Variants in NUFIP2 observed in about 807,000 individuals in gnomAD.
The protein encoded by NUFIP2 is FMR1-interacting protein NUFIP2.
Under a neutral mutation model 56.9 loss-of-function variants are expected in NUFIP2, and 6 were observed. The observed-to-expected ratio is 0.11, with a 90% CI of 0.06 to 0.21. NUFIP2 has a LOEUF of 0.21. Ranked by LOEUF, NUFIP2 falls within the 10% of genes least tolerant of loss-of-function variation. The pLI is 1.00. For missense variants in NUFIP2, 828 were observed against 826.8 expected (o/e 1.00, Z -0.02); for synonymous variants, 321 against 298.2 (o/e 1.08, Z -0.79).
intron 1 of NUFIP2, among the ~76,000 whole-genome samples, chr17:29,292,941 G>A (rs1468690877): frequency 2.7e-5 from 4 of 146,530 alleles, no homozygotes; most frequent in Non-Finnish European, 6.1e-5. Context: ...AGGGGGCGAG[G>A]CTGCGGCCGG....
chr17:29,286,460 T>C lies in NUFIP2; in HGVS notation c.1534A>G (p.Ile512Val). ...TCAGGGCCAGCACTGGGCTCATTTA[T>C]AAATGATAAACCCCACTGATTCTGG... is the stretch of plus-strand genomic sequence containing the variant. The part of the protein sequence containing the change: ...IFQNQWGLSF[I>V]NEPSAGPETV... Residue 512 changes from isoleucine (I) to valine (V), a missense_variant, in exon 2 of 4, where the codon ATA becomes GTA. Coordinates refer to ENST00000225388, the MANE Select transcript of NUFIP2 (RefSeq NM_020772.3). The C allele has an allele frequency of 6.2e-7, 1 of 1,614,230 alleles. No homozygotes were observed. Among genetic ancestry groups the C allele is most frequent in the Non-Finnish European group, 8.5e-7 (1 of 1,180,048 alleles).
chr17:29,291,773 G>A (rs1193961576), intron 1 of NUFIP2, among the ~76,000 whole-genome samples: 1 of 152,172 alleles, frequency 6.6e-6, no homozygotes, highest in African/African-American at 2.4e-5. Context: ...TAGTTATATA[G>A]TCCCTAACAG....
At position 29,256,516 on chromosome 17, in the gene NUFIP2, A is replaced by C. The variant is rs2153009965; in HGVS notation, c.*8023T>G. The C allele has an allele frequency of 6.6e-6, 1 of 152,320 alleles. No homozygotes were observed. The highest frequency in any genetic ancestry group is 3.4e-3 in the Middle Eastern group (1 of 294). 9.4% of individuals were successfully genotyped at this position (152,320 alleles called of 1,614,324 possible). A position where few individuals can be genotyped will look rare whatever the true frequency, so the allele number is the denominator to read the frequency against. On this transcript the variant is annotated 3_prime_UTR_variant, in exon 4 of 4. Transcript: ENST00000225388. ...GCTGTGTCCTCAAAGGCAACAATAT[A>C]CTTGATGAAGAAGTAACCCTCTTCT...
intron 2 of NUFIP2, among the ~76,000 whole-genome samples, chr17:29,275,010 C>T (rs1039831235): frequency 1.3e-5 from 2 of 151,162 alleles, no homozygotes; most frequent in African/African-American, 4.9e-5. Flanking sequence ...GGAATATATA[C>T]GGTCTGAACT....
chr17:29,290,616 T>C (rs1055396054), intron 1 of NUFIP2, among the ~76,000 whole-genome samples: 1 of 148,638 alleles, frequency 6.7e-6, no homozygotes, highest in African/African-American at 2.5e-5. Context: ...GCCACTGCAC[T>C]GCACTCCAGC....
At position 29,260,461 on chromosome 17, in the gene NUFIP2, T is replaced by G. The variant is rs1346538670; in HGVS notation, c.*4078A>C. 2 of 152,254 alleles carry G rather than the reference T, an allele frequency of 1.3e-5. No individual in the cohort carries two copies. The highest frequency in any genetic ancestry group is 6.5e-5 in the Admixed American group (1 of 15,292). 9.4% of individuals were successfully genotyped at this position (152,254 alleles called of 1,614,324 possible). ...GGAAATTGGACTTTTAATCTATTTCTCTGAAGAGAGCCTTGTAGGAATGAC... is the reference window on the plus strand; with the variant it reads ...GGAAATTGGACTTTTAATCTATTTCGCTGAAGAGAGCCTTGTAGGAATGAC... On this transcript the variant is annotated 3_prime_UTR_variant, in exon 4 of 4. Transcript: ENST00000225388.
In NUFIP2 at chr17:29,262,368, G is replaced by A. The variant is rs1354326168; in HGVS notation, c.*2171C>T. On this transcript the variant is annotated 3_prime_UTR_variant, in exon 4 of 4. Coordinates refer to ENST00000225388, the MANE Select transcript of NUFIP2 (RefSeq NM_020772.3). ...TTTTTCCCTTTAATCAACCTTATAT[G>A]TCTTTTTTTTTAACTTTTTGAAAAT... 1.3e-5 allele frequency: 2 copies of A among 151,848 alleles called. No individual in the cohort carries two copies. The highest frequency in any genetic ancestry group is 4.9e-5 in the African/African-American group (2 of 41,156). 9.4% of individuals were successfully genotyped at this position (151,848 alleles called of 1,614,324 possible).
At chr17:29,293,648 G>C in intron 1 of NUFIP2, 135 bp downstream of exon 1, 6 of 930,938 alleles carry the variant, frequency 6.4e-6, no homozygotes, top group Non-Finnish European at 9.2e-6. Flanking sequence ...AGAATGAAAG[G>C]GGCATCCCCA....
Position 29,262,116 on chromosome 17 carries a change from T to G in NUFIP2, c.*2423A>C, listed in dbSNP as rs1319661157. The G allele has an allele frequency of 2.0e-5, 3 of 152,372 alleles. No individual in the cohort carries two copies. The highest frequency in any genetic ancestry group is 2.0e-4 in the Admixed American group (3 of 15,274). The allele number at this position is 152,372 out of a possible 1,614,324, so 9.4% of individuals were successfully genotyped here. A position where few individuals can be genotyped will look rare whatever the true frequency, so the allele number is the denominator to read the frequency against. On this transcript the variant is annotated 3_prime_UTR_variant, in exon 4 of 4. Coordinates refer to ENST00000225388, the MANE Select transcript of NUFIP2 (RefSeq NM_020772.3). ...TCAGGTGGGGTCTGGGTTTGTTTTT[T>G]GTTTTTTCCTTTTCAAATATATACT...
chr17:29,290,446 GGAGT>G (rs2069204209), intron 1 of NUFIP2, among the ~76,000 whole-genome samples: 1 of 151,666 alleles, frequency 6.6e-6, no homozygotes, highest in Non-Finnish European at 1.5e-5. Flanking sequence ...CTTGAGGTCA[GGAGT>G]TTGAGACCAG....
chr17:29,271,813 G>A (rs1040079475), intron 2 of NUFIP2, among the ~76,000 whole-genome samples: 3 of 151,934 alleles, frequency 2.0e-5, no homozygotes, highest in Non-Finnish European at 4.4e-5. Context: ...GCTCTCACCT[G>A]TAATCCCAGC....
At chr17:29,293,073 G>A (rs2069228049) in intron 1 of NUFIP2, among the ~76,000 whole-genome samples, 1 of 151,630 alleles carries the variant, frequency 6.6e-6, no homozygotes, top group Non-Finnish European at 1.5e-5. Flanking sequence ...GACAGGAAGC[G>A]GCCCCGCGAG....
rs1337102614 is a variant in NUFIP2 at position 29,259,003 on chromosome 17, A to T, written c.*5536T>A. 1.3e-5 allele frequency: 2 copies of T among 152,218 alleles called. No individual in the cohort carries two copies. Among genetic ancestry groups the T allele is most frequent in the African/African-American group, 4.8e-5 (2 of 41,456 alleles). 9.4% of individuals were successfully genotyped at this position (152,218 alleles called of 1,614,324 possible). A position where few individuals can be genotyped will look rare whatever the true frequency, so the allele number is the denominator to read the frequency against. On this transcript the variant is annotated 3_prime_UTR_variant, in exon 4 of 4. Transcript: ENST00000225388. ...AATAATAGACAAACAGGGTAAACTA[A>T]AGGCATTCATTCATATTTACATATT...
rs538149492 is a variant in NUFIP2 at position 29,282,770 on chromosome 17, C to T, written c.2002+3222G>A. On this transcript the variant is annotated intron_variant, in intron 2 of 3. Transcript: ENST00000225388. The stretch of plus-strand genomic sequence containing the variant: ...TCACTTAGAGATTACTACTGAACAT[C>T]TGAAAACTACACTAAAGCACAAAGA... Among the ~76,000 whole-genome samples, 14 of 152,144 alleles carry T rather than the reference C, an allele frequency of 9.2e-5. No individual in the cohort carries two copies. In the South Asian group the frequency reaches 2.7e-3, roughly 29 times the overall value.
At position 29,294,110 on chromosome 17, in the gene NUFIP2, G is replaced by A; in HGVS notation, c.-51C>T. Reference sequence around the variant, plus strand: ...GAGGCTGCGGGCTGCTGCACCGTCAGGATCTGAGACTGCTTCTCAGGGCTC... The same window carrying A: ...GAGGCTGCGGGCTGCTGCACCGTCAAGATCTGAGACTGCTTCTCAGGGCTC... On this transcript the variant is annotated 5_prime_UTR_variant, in exon 1 of 4. Transcript: ENST00000225388. The A allele has an allele frequency of 1.9e-6, 3 of 1,548,804 alleles. No individual in the cohort carries two copies. The highest frequency in any genetic ancestry group is 2.6e-6 in the Non-Finnish European group (3 of 1,147,170).
At chr17:29,270,602 A>C (rs2069066132) in intron 2 of NUFIP2, among the ~76,000 whole-genome samples, 1 of 152,170 alleles carries the variant, frequency 6.6e-6, no homozygotes, top group South Asian at 2.1e-4. Flanking sequence ...TAGCAAATAA[A>C]TTCCTGAAGA....
At position 29,264,595 on chromosome 17, in the gene NUFIP2, GA is replaced by G; in HGVS notation, c.2036-5del. ...TAAGTGATTATCCTTTTGGGATCTAGAAAGGTTAAAAAAATAAATAAAAATA... is the reference window on the plus strand; with the variant it reads ...TAAGTGATTATCCTTTTGGGATCTAGAAGGTTAAAAAAATAAATAAAAATA... On this transcript the variant is annotated splice_polypyrimidine_tract_variant and splice_region_variant and intron_variant, in intron 3 of 3. Coordinates refer to ENST00000225388, the MANE Select transcript of NUFIP2 (RefSeq NM_020772.3). 1 of 1,572,010 alleles carries G rather than the reference GA, an allele frequency of 6.4e-7. No individual in the cohort carries two copies. The highest frequency in any genetic ancestry group is 8.8e-7 in the Non-Finnish European group (1 of 1,142,756).
intron 2 of NUFIP2, among the ~76,000 whole-genome samples, chr17:29,269,922 G>A (rs556215021): frequency 5.7e-4 from 87 of 151,962 alleles, no homozygotes; most frequent in African/African-American, 2.0e-3. Context: ...GGGTTTCACC[G>A]TGTTAGCCAG....
In NUFIP2 at chr17:29,286,804, C is replaced by T. The variant is rs1195701597; in HGVS notation, c.1190G>A (p.Arg397His). The T allele has an allele frequency of 5.0e-6, 8 of 1,613,932 alleles. No individual in the cohort carries two copies. The highest frequency in any genetic ancestry group is 4.5e-5 in the East Asian group (2 of 44,898). The change falls in exon 2 of 4, where the codon CGC becomes CAC. Residue 397 changes from arginine to histidine, a missense_variant. By Grantham distance (29) the Arg-to-His change is conservative (BLOSUM62 0). Around this residue, in one of 3 missense-constraint regions of NUFIP2, gnomAD observed 404 missense variants for 380.3 expected, o/e 1.06. Coordinates refer to ENST00000225388, the MANE Select transcript of NUFIP2 (RefSeq NM_020772.3). ...CGCTGACATAGGGACCTGGGATAAG[C>T]GACTTGATGATTGGGTCTGAGTTTC... The part of the protein sequence containing the change: ...TGETQTQSSS[R>H]LSQVPMSALK...
Sources: allele counts gnomAD v4.1 joint callset (sites outside exome capture counted in the v4.1 genomes callset), GRCh38; gene constraint gnomAD v4.1.1; regional missense constraint gnomAD v4.1.1; transcripts MANE v1.5; gene names NCBI Gene and HGNC (gene_info 2026-07-23, HGNC 2026-07-21).